PTPRD: variants seen among roughly 807,000 people sequenced by gnomAD.
The protein encoded by PTPRD is protein tyrosine phosphatase receptor type D, also known as receptor-type tyrosine-protein phosphatase delta.
PTPRD carries 34 observed loss-of-function variants against 214.5 expected under a neutral mutation model. The observed-to-expected ratio is 0.16, with a 90% CI of 0.12 to 0.21. PTPRD has a LOEUF of 0.21. Among genes scored for constraint, PTPRD ranks in the 10% least tolerant of loss-of-function variants. The pLI, the probability that PTPRD is intolerant of heterozygous loss-of-function variation, is 1.00. For synonymous variants in PTPRD, 1,128 were observed against 845.7 expected (o/e 1.33, Z -5.79); for missense variants, 2,545 against 2,398.7 (o/e 1.06, Z -1.27).
At chr9:9,331,021 A>G (rs1179346164) in intron 9 of PTPRD, among the ~76,000 whole-genome samples, 2 of 151,996 alleles carry the variant, frequency 1.3e-5, no homozygotes, top group Non-Finnish European at 2.9e-5. Context: ...TGCATGGAAT[A>G]AAAAATCCTG....
intron 12 of PTPRD, among the ~76,000 whole-genome samples, chr9:8,667,071 G>A (rs912735891): frequency 6.6e-6 from 1 of 152,212 alleles, no homozygotes; most frequent in Non-Finnish European, 1.5e-5. Context: ...AGGCGCCATG[G>A]CTCACGCCTA....
At chr9:9,067,445 A>G (rs1176151475) in intron 10 of PTPRD, among the ~76,000 whole-genome samples, 1 of 152,098 alleles carries the variant, frequency 6.6e-6, no homozygotes, top group Non-Finnish European at 1.5e-5. Context: ...GTGTGTCATA[A>G]TAGTGTACCA....
intron 5 of PTPRD, among the ~76,000 whole-genome samples, chr9:9,772,922 G>C (rs2098764577): frequency 6.6e-6 from 1 of 152,096 alleles, no homozygotes; most frequent in African/African-American, 2.4e-5. Context: ...GATGTATTCT[G>C]ATCATCCATT....
At chr9:10,225,597 T>C (rs1331885131) in intron 3 of PTPRD, among the ~76,000 whole-genome samples, 1 of 152,034 alleles carries the variant, frequency 6.6e-6, no homozygotes, top group Non-Finnish European at 1.5e-5. Context: ...ATTTGGTTGG[T>C]TGTGCTGAGA....
chr9:9,949,823 G>A (rs1048807840), intron 4 of PTPRD, among the ~76,000 whole-genome samples: 2 of 152,160 alleles, frequency 1.3e-5, no homozygotes, highest in Non-Finnish European at 2.9e-5. Context: ...ACACTCTGAA[G>A]AGCAAGTAGA....
chr9:9,310,063 ATAT>A (rs1187489528), intron 9 of PTPRD, among the ~76,000 whole-genome samples: 3 of 152,170 alleles, frequency 2.0e-5, no homozygotes, highest in Non-Finnish European at 4.4e-5. Context: ...GGAAAATAAA[ATAT>A]TATTCTGAAA....
chr9:10,516,934 G>A (rs1321269380), intron 2 of PTPRD, among the ~76,000 whole-genome samples: 1 of 151,756 alleles, frequency 6.6e-6, no homozygotes, highest in Admixed American at 6.6e-5. Context: ...TGGCCTATAT[G>A]TGTCTTTATG....
At chr9:9,458,118 A>G (rs2093266592) in intron 8 of PTPRD, among the ~76,000 whole-genome samples, 1 of 152,080 alleles carries the variant, frequency 6.6e-6, no homozygotes, top group Non-Finnish European at 1.5e-5. Context: ...GGATTAGAAA[A>G]TACATAATCC....
chr9:10,429,367 A>G (rs1295625362), intron 2 of PTPRD, among the ~76,000 whole-genome samples: 1 of 152,038 alleles, frequency 6.6e-6, no homozygotes, highest in Non-Finnish European at 1.5e-5. Flanking sequence ...CAATACATCT[A>G]AAAGAAACCC....
intron 8 of PTPRD, among the ~76,000 whole-genome samples, chr9:9,519,265 T>C (rs763088311): frequency 8.7e-5 from 13 of 149,480 alleles, no homozygotes; most frequent in Non-Finnish European, 1.8e-4. Context: ...TGAAAATCAA[T>C]GGCCTCAGTG....
intron 3 of PTPRD, among the ~76,000 whole-genome samples, chr9:10,152,445 T>C (rs1405638895): frequency 2.0e-5 from 3 of 152,188 alleles, no homozygotes; most frequent in Non-Finnish European, 4.4e-5. Context: ...ACAAATATTT[T>C]CTCTTAGTTT....
At chr9:9,832,990 C>A (rs1307249440) in intron 5 of PTPRD, among the ~76,000 whole-genome samples, 1 of 151,586 alleles carries the variant, frequency 6.6e-6, no homozygotes, top group Non-Finnish European at 1.5e-5. Flanking sequence ...TAATTCCAGG[C>A]CTGTTTTGCT....
chr9:8,867,958 C>A (rs957717221), intron 11 of PTPRD, among the ~76,000 whole-genome samples: 1 of 152,194 alleles, frequency 6.6e-6, no homozygotes, highest in East Asian at 1.9e-4. Context: ...CTTTATAGGG[C>A]ACAAGCACAT....
At chr9:9,912,826 T>C (rs544065545) in intron 5 of PTPRD, among the ~76,000 whole-genome samples, 1 of 152,334 alleles carries the variant, frequency 6.6e-6, no homozygotes, top group South Asian at 2.1e-4. Flanking sequence ...GCACTGAGAA[T>C]ATTGCAAGAG....
At chr9:9,636,037 A>C (rs10491607) in intron 7 of PTPRD, among the ~76,000 whole-genome samples, 3 of 152,172 alleles carry the variant, frequency 2.0e-5, no homozygotes, top group Non-Finnish European at 4.4e-5. Flanking sequence ...ATCTAAATGC[A>C]AAGACCCATC....
intron 35 of PTPRD, among the ~76,000 whole-genome samples, chr9:8,430,861 A>T (rs115202885): frequency 3.5e-4 from 53 of 152,246 alleles, no homozygotes; most frequent in African/African-American, 1.2e-3. Flanking sequence ...TATGACCTTT[A>T]CTGAATCCCA....
At chr9:9,783,899 G>A (rs559939252) in intron 5 of PTPRD, among the ~76,000 whole-genome samples, 2 of 148,274 alleles carry the variant, frequency 1.3e-5, no homozygotes, top group East Asian at 2.1e-4. Context: ...CAGTGCATAC[G>A]CAAGTGATAC....
intron 9 of PTPRD, among the ~76,000 whole-genome samples, chr9:9,347,629 G>T (rs1268216617): frequency 6.6e-6 from 1 of 152,060 alleles, no homozygotes; most frequent in African/African-American, 2.4e-5. Flanking sequence ...ACACTATATT[G>T]CTAGAAGAAT....
chr9:8,934,448 AATT>A (rs2098977534), intron 11 of PTPRD, among the ~76,000 whole-genome samples: 3 of 14,610 alleles, frequency 2.1e-4, no homozygotes, highest in African/African-American at 7.7e-4. Flanking sequence ...TATATATATA[AATT>A]TATATATATA....
Sources: allele counts gnomAD v4.1 joint callset (sites outside exome capture counted in the v4.1 genomes callset), GRCh38; gene constraint gnomAD v4.1.1; transcripts MANE v1.5; gene names NCBI Gene and HGNC (gene_info 2026-07-23, HGNC 2026-07-21).